TUT7: variants seen among roughly 807,000 people sequenced by gnomAD.
TUT7 encodes terminal uridylyl transferase 7.
Under a neutral mutation model 165.9 loss-of-function variants are expected in TUT7, and 33 were observed. The ratio of observed to expected loss-of-function variants is 0.20; its 90% CI spans 0.15 to 0.27. TUT7 has a LOEUF of 0.27. Ranked by LOEUF, TUT7 falls within the 10% of genes least tolerant of loss-of-function variation. The pLI, the probability that TUT7 is intolerant of heterozygous loss-of-function variation, is 1.00. For missense variants in TUT7, 1,338 were observed against 1,762.3 expected (o/e 0.76, Z 4.31); for synonymous variants, 552 against 608.1 (o/e 0.91, Z 1.36).
At chr9:86,334,319 C>T (rs1564082025) in intron 10 of TUT7, among the ~76,000 whole-genome samples, 1 of 152,180 alleles carries the variant, frequency 6.6e-6, no homozygotes, top group Admixed American at 6.5e-5. Context: ...TCTTTACCCT[C>T]AGAGCTTAGT....
At chr9:86,339,528 G>T (rs1831147539) in intron 8 of TUT7, among the ~76,000 whole-genome samples, 1 of 152,002 alleles carries the variant, frequency 6.6e-6, no homozygotes, top group Non-Finnish European at 1.5e-5. Context: ...AAAAAAAAAA[G>T]TTTCAAATGG....
At chr9:86,347,139 AC>A (rs1831846472) in intron 2 of TUT7, among the ~76,000 whole-genome samples, 1 of 152,180 alleles carries the variant, frequency 6.6e-6, no homozygotes, top group African/African-American at 2.4e-5. Flanking sequence ...TTTTACCTTT[AC>A]CTTCATTTTA....
chr9:86,319,363 C>G (rs774985152), intron 15 of TUT7, among the ~76,000 whole-genome samples: 2 of 152,142 alleles, frequency 1.3e-5, no homozygotes, highest in African/African-American at 2.4e-5. Context: ...AACTTTGACT[C>G]TAAACATAGT....
Position 86,348,852 on chromosome 9 carries a change from T to C in TUT7, c.521-2372A>G, listed in dbSNP as rs142051423. Reference sequence around the variant, plus strand: ...ATTACTAAAATCCCTTCTTGGAACATACCCATTCACATCTAGAGTGGACTA... The same window carrying C: ...ATTACTAAAATCCCTTCTTGGAACACACCCATTCACATCTAGAGTGGACTA... On this transcript the variant is annotated intron_variant, in intron 2 of 26. Transcript: ENST00000375963. 2.3e-3 allele frequency among the ~76,000 whole-genome samples: 357 copies of C among 152,294 alleles called. 1 individual carries two copies. The highest frequency in any genetic ancestry group is 8.3e-3 in the African/African-American group (343 of 41,572).
chr9:86,288,880 A>T, intron 26 of TUT7, 136 bp from the exon 27 acceptor site: 2 of 607,188 alleles, frequency 3.3e-6, no homozygotes, highest in Non-Finnish European at 5.8e-6. Context: ...GAATCAAGTA[A>T]TAAGACTTGA....
chr9:86,319,573 A>G lies in TUT7; in HGVS notation c.3115+11T>C. ...ACTACTTTTCTTAAAAATAAAAAAT[A>G]AATCATTTACCTGGAAAGTCCTGTC... On this transcript the variant is annotated intron_variant, in intron 15 of 26. Coordinates refer to ENST00000375963, the MANE Select transcript of TUT7 (RefSeq NM_024617.4). 1.3e-6 allele frequency: 2 copies of G among 1,567,994 alleles called. No homozygotes were observed. Among genetic ancestry groups the G allele is most frequent in the South Asian group, 2.3e-5 (2 of 85,712 alleles).
intron 22 of TUT7, among the ~76,000 whole-genome samples, chr9:86,306,242 G>A (rs182098919): frequency 6.6e-6 from 1 of 152,270 alleles, no homozygotes; most frequent in East Asian, 1.9e-4. Flanking sequence ...CACAAGAGAA[G>A]TAAAGAAGTA....
intron 17 of TUT7, among the ~76,000 whole-genome samples, 160 bp from the exon 18 acceptor site, chr9:86,310,969 G>A (rs1827993805): frequency 6.6e-6 from 1 of 152,168 alleles, no homozygotes; most frequent in African/African-American, 2.4e-5. Flanking sequence ...ACAAACATCT[G>A]GGAAGATTAG....
rs562156834 is a variant in TUT7, at chr9:86,337,400, CA to C, written c.1455+18del. 6.2e-5 allele frequency: 99 copies of C among 1,591,212 alleles called. No individual in the cohort carries two copies. The highest frequency in any genetic ancestry group is 3.4e-4 in the African/African-American group (25 of 73,208). On this transcript the variant is annotated intron_variant, in intron 10 of 26. Transcript: ENST00000375963. ...AATAAAATCTGTTCAGATATATAAG[CA>C]AAAAAAATGTTTTATACCCATGATC...
At chr9:86,340,246 CTT>C in intron 7 of TUT7, 141 bp from the exon 8 acceptor site, 1 of 631,964 alleles carries the variant, frequency 1.6e-6, no homozygotes, top group South Asian at 2.2e-5. Context: ...TCTGCAATGA[CTT>C]GAAAAGGAAA....
At chr9:86,316,714 G>C (rs539569117) in intron 17 of TUT7, among the ~76,000 whole-genome samples, 1 of 151,910 alleles carries the variant, frequency 6.6e-6, no homozygotes, top group South Asian at 2.1e-4. Context: ...TCATACTTAC[G>C]CATACAAGAT....
chr9:86,342,806 C>G (rs1219382921), intron 6 of TUT7, among the ~76,000 whole-genome samples: 2 of 152,070 alleles, frequency 1.3e-5, no homozygotes, highest in Non-Finnish European at 2.9e-5. Context: ...AGAAAATTTA[C>G]TCTTTTTAAG....
intron 17 of TUT7, among the ~76,000 whole-genome samples, chr9:86,315,385 A>G (rs1432407542): frequency 2.0e-5 from 3 of 152,228 alleles, no homozygotes; most frequent in African/African-American, 7.2e-5. Context: ...GGGAAAGGAC[A>G]TAATGTCTAT....
At chr9:86,343,297 G>C in intron 5 of TUT7, 134 bp from the exon 6 acceptor site, 1 of 492,664 alleles carries the variant, frequency 2.0e-6, no homozygotes, top group Non-Finnish European at 3.4e-6. Context: ...TTCAAGACTA[G>C]CATAAACAAA....
At chr9:86,310,070 C>CTTTTT in intron 18 of TUT7, 53 bp from the exon 19 acceptor site, 1 of 1,117,298 alleles carries the variant, frequency 9.0e-7, no homozygotes, top group Non-Finnish European at 1.2e-6. Flanking sequence ...TAAAGGGTCT[C>CTTTTT]TTTTTTTTTT....
At chr9:86,325,783 C>T (rs1394751686) in intron 11 of TUT7, among the ~76,000 whole-genome samples, 1 of 152,192 alleles carries the variant, frequency 6.6e-6, no homozygotes, top group African/African-American at 2.4e-5. Flanking sequence ...CCAGACAGAG[C>T]TCCTAATTTT....
Position 86,325,443 on chromosome 9 carries a change from C to T in TUT7, c.1680G>A (p.Arg560=). The T allele has an allele frequency of 1.2e-6, 2 of 1,614,094 alleles. No individual in the cohort carries two copies. Among genetic ancestry groups the T allele is most frequent in the South Asian group, 1.1e-5 (1 of 91,076 alleles). The part of the protein sequence containing the change: ...PVGQLWVELL[R]FYALEFNLAD... The stretch of plus-strand genomic sequence containing the variant: ...CCAAATTAAATTCTAAAGCATAGAA[C>T]CGCAGCAATTCCACCCAGAGCTGCC... Residue 560 remains arginine (R), a synonymous_variant, in exon 12 of 27, where the codon CGG becomes CGA. Coordinates refer to ENST00000375963, the MANE Select transcript of TUT7 (RefSeq NM_024617.4).
At position 86,325,492 on chromosome 9, in the gene TUT7, T is replaced by G. The variant is rs754572213; in HGVS notation, c.1631A>C (p.Lys544Thr). 4 of 1,613,694 alleles carry G rather than the reference T, an allele frequency of 2.5e-6. No homozygotes were observed. The highest frequency in any genetic ancestry group is 2.5e-6 in the Non-Finnish European group (3 of 1,179,838). The change falls in exon 12 of 27, where the codon AAA (lysine) becomes ACA (threonine). Residue 544 changes from lysine (K) to threonine (T), a missense_variant. Physicochemically the swap from Lys to Thr is moderately conservative, Grantham distance 78. This residue lies in a region of TUT7 where 53 missense variants were observed against 46.3 expected (regional missense o/e 1.15). Transcript: ENST00000375963. ...RGQVSLILDV[K>T]HQPSVPVGQL... ...CCCAACTGGTACTGAAGGCTGGTGTTTCACATCCAATATTAATGACACCTA... is the reference window on the plus strand; with the variant it reads ...CCCAACTGGTACTGAAGGCTGGTGTGTCACATCCAATATTAATGACACCTA...
chr9:86,332,387 A>G lies in TUT7; in HGVS notation c.1456-3895T>C, dbSNP rs1308595941. On this transcript the variant is annotated intron_variant, in intron 10 of 26. Coordinates refer to ENST00000375963, the MANE Select transcript of TUT7 (RefSeq NM_024617.4). ...AAAAACCCAAGATCATGTCTTTTGC[A>G]GGAACATGGATGAAGCTGGAGGCCA... Among the ~76,000 whole-genome samples, 13 of 152,220 alleles carry G rather than the reference A, an allele frequency of 8.5e-5. 1 individual carries two copies. Among genetic ancestry groups the G allele is most frequent in the Non-Finnish European group, 1.9e-4 (13 of 68,040 alleles).
Sources: allele counts gnomAD v4.1 joint callset (sites outside exome capture counted in the v4.1 genomes callset), GRCh38; gene constraint gnomAD v4.1.1; regional missense constraint gnomAD v4.1.1; transcripts MANE v1.5; gene names NCBI Gene and HGNC (gene_info 2026-07-23, HGNC 2026-07-21).